Variants in LRP1B observed in about 807,000 individuals in gnomAD.
LRP1B encodes the protein low-density lipoprotein receptor-related protein 1B.
LRP1B carries 217 observed loss-of-function variants against 556.6 expected under a neutral mutation model. The ratio of observed to expected loss-of-function variants is 0.39; its 90% CI spans 0.35 to 0.44. The LOEUF (loss-of-function observed/expected upper bound fraction) is 0.44, where lower values mean the gene tolerates loss of function less well. Among genes scored for constraint, LRP1B ranks in the 20% least tolerant of loss-of-function variants. The pLI is 1.00. For missense variants in LRP1B, 5,053 were observed against 5,620.8 expected, an observed-to-expected ratio of 0.90 and a Z score of 3.23; for synonymous variants, 2,047 against 1,865.8, an observed-to-expected ratio of 1.10 and a Z score of -2.50.
rs1212103354 is a variant in LRP1B, at chr2:140,912,164, G to A, written c.3320-4087C>T. Among the ~76,000 whole-genome samples the A allele has an allele frequency of 2.6e-5, 4 of 151,602 alleles. 1 individual carries two copies. The highest frequency in any genetic ancestry group is 9.7e-5 in the African/African-American group (4 of 41,386). On this transcript the variant is annotated intron_variant, in intron 21 of 90. Transcript: ENST00000389484. ...GTTCTTACCAAAATGTAGATAAGAAGGCGAACCAAGTATGATAAGTTTAAT... is the reference window on the plus strand; with the variant it reads ...GTTCTTACCAAAATGTAGATAAGAAAGCGAACCAAGTATGATAAGTTTAAT...
chr2:141,724,092 T>A (rs1034882645), intron 2 of LRP1B, among the ~76,000 whole-genome samples: 1 of 151,978 alleles, frequency 6.6e-6, no homozygotes, highest in African/African-American at 2.4e-5. Context: ...TGTACCTTGA[T>A]GACTCAATCA....
chr2:140,680,219 G>T (rs554787818), intron 41 of LRP1B, among the ~76,000 whole-genome samples: 2 of 152,200 alleles, frequency 1.3e-5, no homozygotes, highest in African/African-American at 4.8e-5. Context: ...CACTCCTGCT[G>T]GTTCCTGCTG....
chr2:141,518,069 T>C (rs1261616207), intron 2 of LRP1B, among the ~76,000 whole-genome samples: 1 of 151,864 alleles, frequency 6.6e-6, no homozygotes, highest in African/African-American at 2.4e-5. Context: ...AGGTAGACAT[T>C]AATCAAATAA....
chr2:141,997,115 G>A (rs543864955), intron 1 of LRP1B, among the ~76,000 whole-genome samples: 2 of 152,156 alleles, frequency 1.3e-5, no homozygotes, highest in South Asian at 4.1e-4. Flanking sequence ...GAAATCAAAT[G>A]AAACTTCAAA....
intron 66 of LRP1B, among the ~76,000 whole-genome samples, chr2:140,396,542 G>T (rs1045752240): frequency 2.0e-5 from 3 of 152,086 alleles, no homozygotes; most frequent in Non-Finnish European, 4.4e-5. Context: ...ATAACAGAGG[G>T]CGATTATTTA....
chr2:140,746,570 T>C (rs1424878795), intron 35 of LRP1B, among the ~76,000 whole-genome samples: 1 of 152,182 alleles, frequency 6.6e-6, no homozygotes, highest in Non-Finnish European at 1.5e-5. Context: ...ATGATGCAAG[T>C]TATGCTTCAC....
intron 7 of LRP1B, among the ~76,000 whole-genome samples, chr2:141,067,038 G>A (rs1699499051): frequency 6.6e-6 from 1 of 151,798 alleles, no homozygotes; most frequent in Non-Finnish European, 1.5e-5. Flanking sequence ...GTTTGCATTA[G>A]GAACTTTATT....
intron 6 of LRP1B, among the ~76,000 whole-genome samples, chr2:141,193,156 T>C (rs188346808): frequency 6.6e-6 from 1 of 152,092 alleles, no homozygotes; most frequent in African/African-American, 2.4e-5. Flanking sequence ...AGTTCAACCA[T>C]TGTAGAAAGC....
intron 2 of LRP1B, among the ~76,000 whole-genome samples, chr2:141,521,732 A>T (rs1251306614): frequency 6.6e-6 from 1 of 152,012 alleles, no homozygotes; most frequent in Admixed American, 6.6e-5. Context: ...TAGTGAAATA[A>T]ATTAAGAAAA....
intron 2 of LRP1B, among the ~76,000 whole-genome samples, chr2:141,673,295 T>C (rs1367477036): frequency 6.6e-6 from 1 of 152,222 alleles, no homozygotes; most frequent in Middle Eastern, 3.2e-3. Context: ...TGAATACCTC[T>C]AAATGTGAGA....
chr2:141,916,438 C>T (rs1700034987), intron 1 of LRP1B, among the ~76,000 whole-genome samples: 1 of 151,816 alleles, frequency 6.6e-6, no homozygotes, highest in Non-Finnish European at 1.5e-5. Flanking sequence ...AATCTCGGCT[C>T]ACTGCAAGCT....
intron 5 of LRP1B, among the ~76,000 whole-genome samples, chr2:141,246,266 G>C (rs1464733517): frequency 6.6e-6 from 1 of 152,130 alleles, no homozygotes; most frequent in African/African-American, 2.4e-5. Flanking sequence ...ACATTAATGT[G>C]AATATCACAG....
At chr2:140,566,528 G>A (rs1681132183) in intron 43 of LRP1B, among the ~76,000 whole-genome samples, 1 of 152,124 alleles carries the variant, frequency 6.6e-6, no homozygotes, top group Non-Finnish European at 1.5e-5. Context: ...TGCCCTGGTA[G>A]AGACACTTCA....
intron 14 of LRP1B, among the ~76,000 whole-genome samples, chr2:141,011,825 A>G (rs548409703): frequency 0.01 from 1,575 of 152,174 alleles, 29 homozygotes; most frequent in African/African-American, 0.035. Context: ...TCAGAACACC[A>G]AAAATATTCT....
At chr2:140,506,702 T>C in intron 53 of LRP1B, 94 bp downstream of exon 53, 1 of 1,309,166 alleles carries the variant, frequency 7.6e-7, no homozygotes, top group East Asian at 2.4e-5. Flanking sequence ...CACTAAGAAA[T>C]GTGTTGCTTG....
chr2:140,683,586 C>A, intron 41 of LRP1B: 1 of 688,464 alleles, frequency 1.5e-6, no homozygotes, highest in Non-Finnish European at 2.8e-6. Context: ...AAAAAGATTG[C>A]CAGGCTGTTC....
chr2:142,129,584 TTCTCTC>T (rs56034357), intron 1 of LRP1B, among the ~76,000 whole-genome samples: 11,282 of 134,482 alleles, frequency 0.084, 512 homozygotes, highest in East Asian at 0.18. Flanking sequence ...CTTTCTCTCT[TTCTCTC>T]TCTCTCTCTC....
At chr2:141,595,006 C>G (rs982386245) in intron 2 of LRP1B, among the ~76,000 whole-genome samples, 1 of 151,812 alleles carries the variant, frequency 6.6e-6, no homozygotes, top group African/African-American at 2.4e-5. Context: ...GCTTTGTGTC[C>G]CCTTTTTATA....
chr2:141,033,498 G>T (rs1428656807), intron 11 of LRP1B, among the ~76,000 whole-genome samples: 5 of 151,576 alleles, frequency 3.3e-5, no homozygotes, highest in Non-Finnish European at 7.4e-5. Flanking sequence ...ATTGCTTAAA[G>T]TGACAGTAAA....
Sources: allele counts gnomAD v4.1 joint callset (sites outside exome capture counted in the v4.1 genomes callset), GRCh38; gene constraint gnomAD v4.1.1; transcripts MANE v1.5; gene names NCBI Gene and HGNC (gene_info 2026-07-23, HGNC 2026-07-21).